Variants in CIMIP2A observed in about 807,000 individuals in gnomAD.
CIMIP2A encodes ciliary microtubule inner protein 2A.
At chr9:137,247,613 C>A in the CIMIP2A span, 8 of 1,581,156 alleles carry the variant, frequency 5.1e-6, no homozygotes, top group South Asian at 8.9e-5. Context: ...CATTCTCCCC[C>A]TCCTGCAGCC....
chr9:137,245,187 G>T, the CIMIP2A span: 1 of 932,798 alleles, frequency 1.1e-6, no homozygotes, highest in South Asian at 1.4e-5. Flanking sequence ...GCGGGCGGGG[G>T]GTGGGTACTC....
the CIMIP2A span, chr9:137,250,326 G>A: frequency 6.6e-6 from 1 of 152,368 alleles, no homozygotes; most frequent in Non-Finnish European, 1.5e-5. Context: ...AGTACACTCT[G>A]TTCCACTGGC....
At chr9:137,244,081 C>A in the CIMIP2A span, 1 of 1,321,800 alleles carries the variant, frequency 7.6e-7, no homozygotes, top group Admixed American at 1.7e-5. Flanking sequence ...GACAGGTGGT[C>A]CTGAACCAGC....
the CIMIP2A span, chr9:137,251,939 G>T: frequency 1.9e-6 from 3 of 1,596,142 alleles, no homozygotes; most frequent in East Asian, 2.3e-5. Flanking sequence ...CTGGTCTTTG[G>T]GGGGCTGTGG....
chr9:137,254,692 G>A, the CIMIP2A span, among the ~76,000 whole-genome samples: 2 of 152,096 alleles, frequency 1.3e-5, no homozygotes, highest in Admixed American at 6.5e-5. Context: ...GAGGCGGGGA[G>A]GCCCGGGGAG....
the CIMIP2A span, chr9:137,253,057 G>A: frequency 1.3e-6 from 2 of 1,538,626 alleles, no homozygotes; most frequent in South Asian, 1.2e-5. Context: ...GGAACTGGGA[G>A]CCAGGTTTGA....
At chr9:137,244,599 G>A in the CIMIP2A span, 15 of 1,607,552 alleles carry the variant, frequency 9.3e-6, no homozygotes, top group South Asian at 3.3e-5. Context: ...GAGAGGAAGT[G>A]TGTGTGTGAG....
chr9:137,253,016 T>C, the CIMIP2A span: 1,382 of 1,497,678 alleles, frequency 9.2e-4, 1 homozygote, highest in Non-Finnish European at 1.1e-3. Flanking sequence ...GGGTGGGCAA[T>C]GTGAGGACAA....
the CIMIP2A span, chr9:137,253,073 G>A: frequency 1.9e-6 from 3 of 1,541,650 alleles, no homozygotes; most frequent in African/African-American, 4.1e-5. Flanking sequence ...TTTGAGTTGG[G>A]GCTGCTACCT....
chr9:137,248,398 C>A, the CIMIP2A span, among the ~76,000 whole-genome samples: 3 of 151,784 alleles, frequency 2.0e-5, no homozygotes, highest in African/African-American at 7.3e-5. Context: ...CAAAAATTAG[C>A]CAGGTGCGGT....
At chr9:137,252,271 A>G in the CIMIP2A span, 1 of 1,365,274 alleles carries the variant, frequency 7.3e-7, no homozygotes, top group South Asian at 1.4e-5. Context: ...TAGGCTCAGC[A>G]CCTGTAAGGA....
chr9:137,252,732 AC>A, the CIMIP2A span: 1 of 1,554,628 alleles, frequency 6.4e-7, no homozygotes, highest in Non-Finnish European at 8.7e-7. Flanking sequence ...AGAGGCTGCC[AC>A]TCCGCTTCCA....
At chr9:137,247,414 G>A in the CIMIP2A span, among the ~76,000 whole-genome samples, 1 of 152,280 alleles carries the variant, frequency 6.6e-6, no homozygotes, top group Non-Finnish European at 1.5e-5. Flanking sequence ...CTGGCCACCA[G>A]GTATCGAGTT....
the CIMIP2A span, chr9:137,251,966 G>A: frequency 1.2e-6 from 2 of 1,601,632 alleles, no homozygotes; most frequent in East Asian, 2.3e-5. Flanking sequence ...CCCGCTGAAA[G>A]GAGCCCAGGC....
At chr9:137,247,521 A>T in the CIMIP2A span, 22 of 769,018 alleles carry the variant, frequency 2.9e-5, no homozygotes, top group Non-Finnish European at 4.4e-5. Context: ...CACAGACTGC[A>T]GTGCCCCGTG....
chr9:137,253,602 T>G, the CIMIP2A span: 1 of 892,262 alleles, frequency 1.1e-6, no homozygotes, highest in South Asian at 2.5e-5. Flanking sequence ...CCCTGAAAGG[T>G]GCTCTCTTCT....
the CIMIP2A span, among the ~76,000 whole-genome samples, chr9:137,246,709 G>A: frequency 6.6e-6 from 1 of 152,092 alleles, no homozygotes; most frequent in Non-Finnish European, 1.5e-5. Context: ...CTTGCAGTGA[G>A]CCAAGATCGC....
At chr9:137,252,927 T>A in the CIMIP2A span, 2 of 1,600,826 alleles carry the variant, frequency 1.2e-6, no homozygotes, top group East Asian at 2.3e-5. Flanking sequence ...GCCTTCTCGA[T>A]GAGCCGCTCC....
chr9:137,248,877 CA>C, the CIMIP2A span, among the ~76,000 whole-genome samples: 1 of 151,806 alleles, frequency 6.6e-6, no homozygotes, highest in African/African-American at 2.4e-5. Flanking sequence ...CACAAACAAA[CA>C]AAAAAACAAC....
Sources: gnomAD v4.1 joint callset for allele counts (sites outside exome capture counted in the v4.1 genomes callset) on GRCh38, gnomAD v4.1.1 for gene constraint, MANE v1.5 for transcripts, NCBI Gene and HGNC (gene_info 2026-07-23, HGNC 2026-07-21) for gene names.